FNDC3A: variants seen among roughly 807,000 people sequenced by gnomAD.
The protein encoded by FNDC3A is fibronectin type III domain containing 3A, also known as fibronectin type-III domain-containing protein 3A.
A neutral mutation model predicts 148.9 loss-of-function variants in FNDC3A; 32 were observed. The ratio of observed to expected loss-of-function variants is 0.21; its 90% CI spans 0.16 to 0.29. The LOEUF is 0.29. Among genes scored for constraint, FNDC3A ranks in the 10% least tolerant of loss-of-function variants. The probability of loss-of-function intolerance (pLI) is 1.00; values close to 1 mark genes in which losing one functional copy is unlikely to be tolerated. For missense variants in FNDC3A, 1,191 were observed against 1,452.8 expected, an observed-to-expected ratio of 0.82 and a Z score of 2.93; for synonymous variants, 472 against 473.6, an observed-to-expected ratio of 1.00 and a Z score of 0.04.
intron 8 of FNDC3A, among the ~76,000 whole-genome samples, chr13:49,151,580 T>TTTATTA (rs1256413450): frequency 1.3e-5 from 2 of 152,152 alleles, no homozygotes; most frequent in South Asian, 4.1e-4. Flanking sequence ...TTTTGTTTTT[T>TTTATTA]TTATTATTAT....
chr13:49,144,627 G>A (rs534539270), intron 7 of FNDC3A, among the ~76,000 whole-genome samples: 13 of 151,740 alleles, frequency 8.6e-5, no homozygotes, highest in African/African-American at 1.9e-4. Flanking sequence ...GATTTTTTTC[G>A]CTTTAACAAA....
intron 7 of FNDC3A, among the ~76,000 whole-genome samples, chr13:49,144,001 A>G (rs990640411): frequency 1.3e-5 from 2 of 149,624 alleles, no homozygotes; most frequent in Non-Finnish European, 3.0e-5. Flanking sequence ...TACTACTACT[A>G]CTACTACTAC....
intron 3 of FNDC3A, chr13:49,110,422 T>A (rs748659303): frequency 6.7e-7 from 1 of 1,495,496 alleles, no homozygotes; most frequent in African/African-American, 1.4e-5. Context: ...ATTTGCTGTT[T>A]TCGAACATTC....
chr13:48,991,712 AAAGAG>A (rs1026260136), intron 1 of FNDC3A, among the ~76,000 whole-genome samples: 16 of 152,184 alleles, frequency 1.1e-4, no homozygotes, highest in African/African-American at 3.9e-4. Flanking sequence ...AGGAAAAAAA[AAAGAG>A]AGAGAATGTT....
intron 2 of FNDC3A, among the ~76,000 whole-genome samples, chr13:49,040,986 A>G (rs1386596773): frequency 2.0e-5 from 3 of 152,218 alleles, no homozygotes; most frequent in East Asian, 1.9e-4. Context: ...ATATTGTACT[A>G]TTATAATGAG....
At position 49,114,747 on chromosome 13, in the gene FNDC3A, AT is replaced by A; in HGVS notation, c.252+21del. 1.3e-6 allele frequency: 2 copies of A among 1,530,652 alleles called. No individual in the cohort carries two copies. The highest frequency in any genetic ancestry group is 9.1e-7 in the Non-Finnish European group (1 of 1,104,370). The allele number at this position is 1,530,652 out of a possible 1,614,324, so 94.8% of individuals were successfully genotyped here. On this transcript the variant is annotated intron_variant, in intron 4 of 25. Transcript: ENST00000492622. ...TGCCCCACAGGTATGTTTTTATGCT[AT>A]TTTTCTTTTCATATTTGTATAATAG...
chr13:49,163,121 C>T (rs947143197), intron 8 of FNDC3A, among the ~76,000 whole-genome samples: 5 of 152,314 alleles, frequency 3.3e-5, no homozygotes, highest in African/African-American at 9.6e-5. Flanking sequence ...TGTCCCTTCT[C>T]GGATCTCAAA....
At chr13:48,996,411 G>C (rs1041477807) in intron 1 of FNDC3A, among the ~76,000 whole-genome samples, 5 of 152,002 alleles carry the variant, frequency 3.3e-5, no homozygotes, top group Non-Finnish European at 7.4e-5. Flanking sequence ...AAAATATTTG[G>C]GAAAAAATGG....
chr13:49,080,777 T>C (rs187902856), intron 3 of FNDC3A, among the ~76,000 whole-genome samples: 3 of 152,334 alleles, frequency 2.0e-5, no homozygotes, highest in Non-Finnish European at 2.9e-5. Context: ...GGGAAGGTCA[T>C]AGAAGCATAT....
At chr13:49,167,464 T>G (rs1335638784) in intron 9 of FNDC3A, among the ~76,000 whole-genome samples, 161 bp downstream of exon 9, 3 of 152,216 alleles carry the variant, frequency 2.0e-5, no homozygotes, top group Non-Finnish European at 2.9e-5. Context: ...CCCAGCACTT[T>G]GGGTGGCCAA....
At chr13:48,986,333 CAA>C (rs36194431) in intron 1 of FNDC3A, among the ~76,000 whole-genome samples, 45,770 of 139,554 alleles carry the variant, frequency 0.33, 7,241 homozygotes, top group South Asian at 0.5. Context: ...TGATAGAGGT[CAA>C]GAGAGGAATC....
At chr13:49,115,192 GGGA>G (rs1237403098) in intron 4 of FNDC3A, among the ~76,000 whole-genome samples, 1 of 119,210 alleles carries the variant, frequency 8.4e-6, no homozygotes, top group Non-Finnish European at 1.7e-5. Context: ...GAGGGGGGGG[GGGA>G]AATAAAAAAA....
chr13:49,173,158 A>G lies in FNDC3A; in HGVS notation c.1230+1062A>G, dbSNP rs571278667. 8.9e-4 allele frequency among the ~76,000 whole-genome samples: 136 copies of G among 152,354 alleles called. 1 individual carries two copies. The highest frequency in any genetic ancestry group is 2.9e-3 in the African/African-American group (119 of 41,596). On this transcript the variant is annotated intron_variant, in intron 11 of 25. Coordinates refer to ENST00000492622, the MANE Select transcript of FNDC3A (RefSeq NM_001079673.2). ...CTTGGTTTAGTACATTGTTTTTACT[A>G]TCAGTTACCATGTTCTCTCTTGCCC...
At chr13:49,079,414 A>G (rs1008726477) in intron 3 of FNDC3A, among the ~76,000 whole-genome samples, 3 of 152,234 alleles carry the variant, frequency 2.0e-5, no homozygotes, top group Non-Finnish European at 4.4e-5. Flanking sequence ...GAGGGTTACT[A>G]TAACATTCAG....
At chr13:49,161,712 A>T (rs1213888615) in intron 8 of FNDC3A, among the ~76,000 whole-genome samples, 2 of 152,144 alleles carry the variant, frequency 1.3e-5, no homozygotes, top group South Asian at 4.1e-4. Flanking sequence ...GATGATGTTT[A>T]CAATTTGGCA....
At chr13:49,006,914 C>T (rs1555277044) in intron 2 of FNDC3A, among the ~76,000 whole-genome samples, 1 of 151,948 alleles carries the variant, frequency 6.6e-6, no homozygotes, top group Non-Finnish European at 1.5e-5. Context: ...GAAACAAACA[C>T]TAAAAACATA....
At chr13:49,129,206 G>T (rs1881883285) in intron 4 of FNDC3A, among the ~76,000 whole-genome samples, 1 of 152,198 alleles carries the variant, frequency 6.6e-6, no homozygotes, top group South Asian at 2.1e-4. Flanking sequence ...GGATAGACAA[G>T]ATTATTATAG....
intron 2 of FNDC3A, among the ~76,000 whole-genome samples, chr13:49,072,922 ACTT>A (rs1484794324): frequency 2.0e-5 from 3 of 152,156 alleles, no homozygotes; most frequent in East Asian, 1.9e-4. Context: ...GGATAATTTG[ACTT>A]CTTCTTTTCT....
At chr13:49,189,135 T>C (rs1885743190) in intron 17 of FNDC3A, among the ~76,000 whole-genome samples, 1 of 152,016 alleles carries the variant, frequency 6.6e-6, no homozygotes, top group South Asian at 2.1e-4. Flanking sequence ...AGACATAATG[T>C]TCTAGGGATG....
Sources: allele counts gnomAD v4.1 joint callset (sites outside exome capture counted in the v4.1 genomes callset), GRCh38; gene constraint gnomAD v4.1.1; transcripts MANE v1.5; gene names NCBI Gene and HGNC (gene_info 2026-07-23, HGNC 2026-07-21).